The following PCDH15 variants were observed in gnomAD, a reference collection of about 807,000 sequenced individuals.
PCDH15 encodes protocadherin-15.
PCDH15 carries 129 observed loss-of-function variants against 178.5 expected under a neutral mutation model. The observed-to-expected ratio is 0.72, with a 90% CI of 0.63 to 0.84. The LOEUF is 0.84. Ranked by LOEUF, PCDH15 falls within the 40% of genes least tolerant of loss-of-function variation. The pLI, the probability that PCDH15 is intolerant of heterozygous loss-of-function variation, is 0.00. For missense variants in PCDH15, 2,230 were observed against 2,099.9 expected (o/e 1.06, Z -1.21); for synonymous variants, 800 against 732.0 (o/e 1.09, Z -1.50).
At chr10:54,702,003 A>C (rs1006344591) in intron 1 of PCDH15, among the ~76,000 whole-genome samples, 2 of 152,088 alleles carry the variant, frequency 1.3e-5, no homozygotes, top group African/African-American at 2.4e-5. Flanking sequence ...CATAATATAC[A>C]TTCTTCTCAT....
rs1327987212 is a variant in PCDH15, at chr10:53,827,449, C to CGGCGGG, written c.4305_4310dup (p.Pro1442_Pro1443dup). On this transcript the variant is annotated inframe_insertion, in exon 32 of 38. Transcript: ENST00000644397. ...GCGCACCTGGCGGAGGCGGCGGCGG[C>CGGCGGG]GGCGGGGGCGCTGCCACTGGTGCAG... 3 of 1,613,142 alleles carry CGGCGGG rather than the reference C, an allele frequency of 1.9e-6. No homozygotes were observed. Among genetic ancestry groups the CGGCGGG allele is most frequent in the South Asian group, 1.1e-5 (1 of 91,034 alleles).
At chr10:55,276,885 T>A (rs1263461057) in intron 1 of PCDH15, among the ~76,000 whole-genome samples, 1 of 152,010 alleles carries the variant, frequency 6.6e-6, no homozygotes, top group Non-Finnish European at 1.5e-5. Flanking sequence ...TAGGTTCATT[T>A]CTTACTTCCA....
In PCDH15 at chr10:54,520,623, C is replaced by A. The variant is rs1194581544; in HGVS notation, c.157+7189G>T. Among the ~76,000 whole-genome samples, 55 of 151,890 alleles carry A rather than the reference C, an allele frequency of 3.6e-4. 1 individual carries two copies. Among genetic ancestry groups the A allele is most frequent in the East Asian group, 2.3e-3 (12 of 5,138 alleles). The stretch of plus-strand genomic sequence containing the variant: ...ACTTTTACACTGTTGGTGGGACTGT[C>A]AACTAGTTCAACCATTGTGGAAGTC... On this transcript the variant is annotated intron_variant, in intron 3 of 37. Coordinates refer to ENST00000644397, the MANE Select transcript of PCDH15 (RefSeq NM_001384140.1).
chr10:54,792,807 T>A (rs1252200867), intron 1 of PCDH15, among the ~76,000 whole-genome samples: 3 of 151,888 alleles, frequency 2.0e-5, no homozygotes, highest in Non-Finnish European at 2.9e-5. Context: ...TAATTTCCTA[T>A]TCATTCTGTA....
chr10:55,036,391 T>C (rs1403495790), intron 2 of PCDH15, among the ~76,000 whole-genome samples: 1 of 152,198 alleles, frequency 6.6e-6, no homozygotes, highest in Non-Finnish European at 1.5e-5. Flanking sequence ...TGGTTTATTT[T>C]AGAATGTACA....
At chr10:54,536,344 CT>C (rs1321819265) in intron 2 of PCDH15, among the ~76,000 whole-genome samples, 1 of 151,464 alleles carries the variant, frequency 6.6e-6, no homozygotes, top group East Asian at 1.9e-4. Flanking sequence ...GAGCAAATCA[CT>C]TAAAATATGT....
chr10:54,512,580 G>T (rs1315598372), intron 3 of PCDH15, among the ~76,000 whole-genome samples: 1 of 151,822 alleles, frequency 6.6e-6, no homozygotes, highest in Non-Finnish European at 1.5e-5. Flanking sequence ...ATGTCAAATG[G>T]CAAATGGGTT....
At chr10:54,824,797 C>T (rs913273608) in intron 3 of PCDH15, among the ~76,000 whole-genome samples, 15 of 151,878 alleles carry the variant, frequency 9.9e-5, no homozygotes, top group Non-Finnish European at 2.2e-4. Flanking sequence ...CCACTTTTAC[C>T]CTCAAGATGG....
chr10:55,096,550 A>G (rs1202481037), intron 2 of PCDH15, among the ~76,000 whole-genome samples: 7 of 152,102 alleles, frequency 4.6e-5, no homozygotes, highest in Non-Finnish European at 1.0e-4. Context: ...CATTGTTATT[A>G]ACTGCTGTCA....
At chr10:54,576,585 G>T (rs1400539309) in intron 2 of PCDH15, among the ~76,000 whole-genome samples, 1 of 152,138 alleles carries the variant, frequency 6.6e-6, no homozygotes, top group African/African-American at 2.4e-5. Flanking sequence ...GAGTGATAAA[G>T]GATCTCTGGG....
intron 3 of PCDH15, among the ~76,000 whole-genome samples, chr10:54,886,259 T>G (rs1954357328): frequency 6.6e-6 from 1 of 151,234 alleles, no homozygotes; most frequent in Non-Finnish European, 1.5e-5. Context: ...ATCTCTTTCA[T>G]TTTTTAAAAA....
At chr10:53,973,851 A>G (rs1472502641) in intron 21 of PCDH15, among the ~76,000 whole-genome samples, 1 of 152,170 alleles carries the variant, frequency 6.6e-6, no homozygotes, top group Non-Finnish European at 1.5e-5. Flanking sequence ...CTAATTGGTA[A>G]AGTAACATAG....
chr10:55,264,981 G>A (rs1842244281), intron 1 of PCDH15, among the ~76,000 whole-genome samples: 1 of 152,092 alleles, frequency 6.6e-6, no homozygotes, highest in Non-Finnish European at 1.5e-5. Flanking sequence ...GGCTGCAAGG[G>A]GCAAGCCCAG....
chr10:54,337,142 T>TA (rs1270404390), intron 6 of PCDH15, among the ~76,000 whole-genome samples: 3 of 152,226 alleles, frequency 2.0e-5, no homozygotes, highest in Middle Eastern at 3.4e-3. Flanking sequence ...CCAATGCCTG[T>TA]ACCCCCATTT....
intron 3 of PCDH15, among the ~76,000 whole-genome samples, chr10:54,437,764 T>A (rs1485110630): frequency 6.6e-6 from 1 of 152,220 alleles, no homozygotes; most frequent in Admixed American, 6.5e-5. Flanking sequence ...ATATGCAATA[T>A]ACTAATCCAA....
At chr10:54,591,299 T>C (rs1053452537) in intron 2 of PCDH15, among the ~76,000 whole-genome samples, 9 of 152,218 alleles carry the variant, frequency 5.9e-5, no homozygotes, top group Admixed American at 5.9e-4. Context: ...TCTCATCACA[T>C]TAGTTTTAAA....
intron 10 of PCDH15, among the ~76,000 whole-genome samples, chr10:54,203,330 C>A (rs2050443640): frequency 6.6e-6 from 1 of 152,176 alleles, no homozygotes; most frequent in South Asian, 2.1e-4. Flanking sequence ...ATCCTCTTGA[C>A]ATTCCATTAT....
At chr10:54,948,845 C>G (rs1231877042) in intron 2 of PCDH15, among the ~76,000 whole-genome samples, 1 of 151,894 alleles carries the variant, frequency 6.6e-6, no homozygotes, top group East Asian at 1.9e-4. Context: ...AACACCCTCA[C>G]AGATATATCT....
chr10:54,924,914 C>T (rs576106462), intron 2 of PCDH15, among the ~76,000 whole-genome samples: 3 of 152,124 alleles, frequency 2.0e-5, no homozygotes, highest in African/African-American at 4.8e-5. Flanking sequence ...CTATGTTGAT[C>T]GTTTATTTTG....
Sources: allele counts gnomAD v4.1 joint callset (sites outside exome capture counted in the v4.1 genomes callset), GRCh38; gene constraint gnomAD v4.1.1; transcripts MANE v1.5; gene names NCBI Gene and HGNC (gene_info 2026-07-23, HGNC 2026-07-21).